CENPP: variants seen among roughly 807,000 people sequenced by gnomAD.
CENPP encodes the protein centromere protein P.
CENPP carries 24 observed loss-of-function variants against 35.6 expected under a neutral mutation model. The ratio of observed to expected loss-of-function variants is 0.67; its 90% CI spans 0.49 to 0.95. The LOEUF (loss-of-function observed/expected upper bound fraction) is 0.95, where lower values mean the gene tolerates loss of function less well. Among genes scored for constraint, CENPP ranks in the 40% least tolerant of loss-of-function variants. CENPP has a pLI of 0.00. For missense variants in CENPP, 332 were observed against 345.3 expected (o/e 0.96, Z 0.31); for synonymous variants, 120 against 125.5 (o/e 0.96, Z 0.29).
chr9:92,471,284 C>T (rs1479133688), intron 5 of CENPP, among the ~76,000 whole-genome samples: 11 of 151,512 alleles, frequency 7.3e-5, no homozygotes, highest in Non-Finnish European at 2.9e-5. Context: ...GCAACCTCGG[C>T]CTCCCGGGTT....
intron 4 of CENPP, among the ~76,000 whole-genome samples, chr9:92,357,303 C>G (rs776758930): frequency 6.6e-6 from 1 of 151,660 alleles, no homozygotes; most frequent in Non-Finnish European, 1.5e-5. Context: ...TTCTTTCACT[C>G]TACAGAATTC....
intron 5 of CENPP, among the ~76,000 whole-genome samples, chr9:92,607,201 G>A (rs868500758): frequency 7.0e-6 from 1 of 141,984 alleles, no homozygotes; most frequent in African/African-American, 2.5e-5. Flanking sequence ...ATTGAAGTTT[G>A]TTTTTTTTAT....
intron 4 of CENPP, among the ~76,000 whole-genome samples, chr9:92,349,244 A>G (rs565964583): frequency 6.6e-5 from 10 of 152,140 alleles, no homozygotes; most frequent in Non-Finnish European, 1.3e-4. Context: ...CAGTGGGCCC[A>G]TTTAAGGAGT....
chr9:92,496,223 T>A (rs1846337093), intron 5 of CENPP: 2 of 1,484,630 alleles, frequency 1.3e-6, no homozygotes, highest in Non-Finnish European at 1.8e-6. Flanking sequence ...ATACTGAGTA[T>A]AACAGGAGGA....
At chr9:92,438,924 CTG>C (rs1307962574) in intron 5 of CENPP, among the ~76,000 whole-genome samples, 1 of 152,220 alleles carries the variant, frequency 6.6e-6, no homozygotes, top group Non-Finnish European at 1.5e-5. Flanking sequence ...GCACTCCAGC[CTG>C]TGTGACAGAG....
chr9:92,385,590 A>G, intron 5 of CENPP: 1 of 1,590,506 alleles, frequency 6.3e-7, no homozygotes, highest in Non-Finnish European at 8.6e-7. Flanking sequence ...GTGTAGGTGT[A>G]CTTTCATTTA....
chr9:92,505,016 G>A (rs78833303), intron 5 of CENPP, among the ~76,000 whole-genome samples: 48 of 152,346 alleles, frequency 3.2e-4, no homozygotes, highest in African/African-American at 1.1e-3. Flanking sequence ...AGTTTTGGTA[G>A]GAACTGGGTG....
chr9:92,457,346 G>T (rs761721603), intron 5 of CENPP: 18 of 1,613,956 alleles, frequency 1.1e-5, no homozygotes, highest in Non-Finnish European at 1.4e-5. Context: ...ACGAAATGTT[G>T]CAGGTTGCAT....
chr9:92,619,790 C>T lies in CENPP; in HGVS notation c.*6641C>T. On this transcript the variant is annotated 3_prime_UTR_variant, in exon 8 of 8. Coordinates refer to ENST00000375587, the MANE Select transcript of CENPP (RefSeq NM_001012267.3). ...GGGCTGCTCAGAGGCCAGCACCGCC[C>T]CCTGACCTCTCACGGCAAGCAGTGT... 1.8e-6 allele frequency: 1 copy of T among 557,258 alleles called. No homozygotes were observed. The highest frequency in any genetic ancestry group is 3.2e-6 in the Non-Finnish European group (1 of 308,362). The allele number at this position is 557,258 out of a possible 1,614,324, so 34.5% of individuals were successfully genotyped here.
At chr9:92,403,890 C>T (rs1046127311) in intron 5 of CENPP, 24 of 182,324 alleles carry the variant, frequency 1.3e-4, no homozygotes, top group African/African-American at 4.8e-4. Flanking sequence ...AAACAAGTTC[C>T]AAGAAAAGTT....
intron 3 of CENPP, among the ~76,000 whole-genome samples, chr9:92,338,116 A>G (rs1002414608): frequency 2.0e-5 from 3 of 152,180 alleles, no homozygotes; most frequent in African/African-American, 7.2e-5. Context: ...GTTTGAGACC[A>G]GCGTGGGCAA....
intron 5 of CENPP, among the ~76,000 whole-genome samples, chr9:92,427,188 A>G (rs1843988494): frequency 6.6e-6 from 1 of 152,216 alleles, no homozygotes; most frequent in South Asian, 2.1e-4. Context: ...TTGTTGAGAC[A>G]GTCTGGCTCT....
At position 92,332,247 on chromosome 9, in the gene CENPP, A is replaced by G. The variant is rs781060738; in HGVS notation, c.185A>G (p.His62Arg). ...AAAGATCTGAAAAATCAGCTTGGAC[A>G]TTTAGAATCAGAACTTTCATTTCTA... ...SSKDLKNQLG[H>R]LESELSFLST... The change falls in exon 2 of 8, where the codon CAT (histidine) becomes CGT (arginine). Residue 62 changes from histidine (H) to arginine (R), a missense_variant. Physicochemically the swap from His to Arg is conservative, Grantham distance 29 (BLOSUM62 0). Coordinates refer to ENST00000375587, the MANE Select transcript of CENPP (RefSeq NM_001012267.3). 20 of 1,613,214 alleles carry G rather than the reference A, an allele frequency of 1.2e-5. 1 individual carries two copies. Among genetic ancestry groups the G allele is most frequent in the East Asian group, 1.1e-4 (5 of 44,794 alleles).
intron 5 of CENPP, among the ~76,000 whole-genome samples, chr9:92,458,792 A>G (rs563725660): frequency 6.6e-6 from 1 of 152,318 alleles, no homozygotes; most frequent in Admixed American, 6.5e-5. Context: ...ATCCAAATGC[A>G]GCATTTGGAA....
intron 5 of CENPP, chr9:92,401,287 A>G (rs560763973): frequency 1.5e-5 from 9 of 601,892 alleles, no homozygotes; most frequent in African/African-American, 1.3e-4. Flanking sequence ...AATTAGTGGC[A>G]TTTCCTTTGT....
chr9:92,385,534 A>T, intron 5 of CENPP: 1 of 1,165,038 alleles, frequency 8.6e-7, no homozygotes, highest in Non-Finnish European at 1.2e-6. Context: ...GGTTAATATT[A>T]AACCAATACT....
intron 5 of CENPP, chr9:92,494,129 A>G: frequency 6.3e-7 from 1 of 1,597,800 alleles, no homozygotes; most frequent in South Asian, 1.1e-5. Context: ...CACTGTCTCT[A>G]GAACAGCATC....
chr9:92,423,566 A>C (rs936605270), intron 5 of CENPP, among the ~76,000 whole-genome samples: 3 of 152,134 alleles, frequency 2.0e-5, no homozygotes, highest in African/African-American at 4.8e-5. Context: ...AATTTTATAA[A>C]ATTTTTTTGC....
At chr9:92,393,062 A>G in intron 5 of CENPP, 2 of 1,599,058 alleles carry the variant, frequency 1.3e-6, no homozygotes, top group Non-Finnish European at 1.7e-6. Context: ...GTTAATACTA[A>G]TATCATATTT....
Sources: gnomAD v4.1 joint callset for allele counts (sites outside exome capture counted in the v4.1 genomes callset) on GRCh38, gnomAD v4.1.1 for gene constraint, MANE v1.5 for transcripts, NCBI Gene and HGNC (gene_info 2026-07-23, HGNC 2026-07-21) for gene names.